Variants in CARD14 observed in about 807,000 individuals in gnomAD.
CARD14 encodes the protein caspase recruitment domain-containing protein 14.
A neutral mutation model predicts 111.5 loss-of-function variants in CARD14; 107 were observed. That is an observed-to-expected ratio of 0.96 (90% CI 0.82 to 1.13). The LOEUF (loss-of-function observed/expected upper bound fraction) is 1.13, where lower values mean the gene tolerates loss of function less well. CARD14 is among the 50% of genes most tolerant of loss of function. CARD14 has a pLI of 0.00. For missense variants in CARD14, 1,322 were observed against 1,362.3 expected (o/e 0.97, Z 0.47); for synonymous variants, 617 against 579.6 (o/e 1.06, Z -0.93).
chr17:80,201,933 C>A lies in CARD14; in HGVS notation c.1978+63C>A. On this transcript the variant is annotated intron_variant, in intron 17 of 23. Transcript: ENST00000648509. The surrounding 1 kb of genome is among the most constrained non-coding windows in gnomAD (Gnocchi z 5.0). ...GCCAGACTCCATGACCCTTAAGTCC[C>A]TGGTGGTTCTTCTGCACGCCCAGCA... 3 of 1,534,328 alleles carry A rather than the reference C, an allele frequency of 2.0e-6. No homozygotes were observed. Among genetic ancestry groups the A allele is most frequent in the Non-Finnish European group, 2.6e-6 (3 of 1,138,270 alleles).
intron 23 of CARD14, among the ~76,000 whole-genome samples, chr17:80,207,322 G>C (rs879851069): frequency 2.0e-5 from 3 of 152,190 alleles, no homozygotes; most frequent in Non-Finnish European, 4.4e-5. Flanking sequence ...AGGCCAGGGT[G>C]GGCAGATTGC....
Position 80,206,973 on chromosome 17 carries a change from A to G in CARD14, c.2695A>G (p.Thr899Ala). 1 of 1,606,092 alleles carries G rather than the reference A, an allele frequency of 6.2e-7. No individual in the cohort carries two copies. Among genetic ancestry groups the G allele is most frequent in the Non-Finnish European group, 8.5e-7 (1 of 1,175,506 alleles). The change falls in exon 23 of 24, where the codon ACC (threonine) becomes GCC (alanine). Residue 899 changes from threonine (T) to alanine (A), a missense_variant. Physicochemically the swap from Thr to Ala is moderately conservative, Grantham distance 58 (BLOSUM62 0). Transcript: ENST00000648509. ...HAVESLMEKNTHALLDVQLDS... is the reference protein window; with the variant it reads ...HAVESLMEKNAHALLDVQLDS... ...TTCTTCTCTCCCTCCCACAAAGAACACCCATGCCCTCCTGGACGTCCAGCT... is the reference window on the plus strand; with the variant it reads ...TTCTTCTCTCCCTCCCACAAAGAACGCCCATGCCCTCCTGGACGTCCAGCT...
At chr17:80,181,026 G>T (rs1055654348) in intron 4 of CARD14, among the ~76,000 whole-genome samples, 3 of 151,368 alleles carry the variant, frequency 2.0e-5, no homozygotes, top group African/African-American at 7.3e-5. Flanking sequence ...GCCTCTCAAA[G>T]TGCTGGGATT....
In CARD14 at chr17:80,205,290, C is replaced by T. The variant is rs1023624238; in HGVS notation, c.2569+85C>T. ...TTCCTCCCTCCTTCCTCCCCTTCCT[C>T]CCTCCTCCTTCCCTCCCCCACCACG... On this transcript the variant is annotated intron_variant, in intron 21 of 23. Transcript: ENST00000648509. 42 of 1,244,018 alleles carry T rather than the reference C, an allele frequency of 3.4e-5. No individual in the cohort carries two copies. The African/African-American group carries it at 5.8e-4, about 17-fold the overall frequency. 77.1% of individuals were successfully genotyped at this position (1,244,018 alleles called of 1,614,324 possible). A position where few individuals can be genotyped will look rare whatever the true frequency, so the allele number is the denominator to read the frequency against.
At chr17:80,190,012 C>T in intron 9 of CARD14, 140 bp downstream of exon 9, 1 of 1,227,596 alleles carries the variant, frequency 8.1e-7, no homozygotes, top group Non-Finnish European at 1.1e-6. Context: ...GCCTGTTCAT[C>T]TGTCCCTTTG....
chr17:80,173,558 C>T (rs994011017), intron 2 of CARD14, among the ~76,000 whole-genome samples: 4 of 151,492 alleles, frequency 2.6e-5, no homozygotes, highest in Non-Finnish European at 5.9e-5. Context: ...ATGTACTGCT[C>T]CTTGAGGAGC....
rs1383085035 is a variant in CARD14 at position 80,189,091 on chromosome 17, C to T, written c.843+547C>T. 6.6e-6 allele frequency among the ~76,000 whole-genome samples: 1 copy of T among 152,142 alleles called. No homozygotes were observed. Among genetic ancestry groups the T allele is most frequent in the Non-Finnish European group, 1.5e-5 (1 of 68,018 alleles). ...AAGCCGCTGGAGGTGCATCACAATG[C>T]CCGACTTGGTGGGTTTACTGCAGCG... is the stretch of plus-strand genomic sequence containing the variant. On this transcript the variant is annotated intron_variant, in intron 8 of 23. Transcript: ENST00000648509. The surrounding 1 kb of genome is among the most constrained non-coding windows in gnomAD (Gnocchi z 4.7).
chr17:80,208,105 T>A, intron 23 of CARD14, 33 bp from the exon 24 acceptor site: 119 of 1,347,826 alleles, frequency 8.8e-5, no homozygotes, highest in Non-Finnish European at 1.1e-4. Flanking sequence ...TGCTCTCCCC[T>A]GAGCCCGCCC....
chr17:80,208,117 C>G (rs772367503), intron 23 of CARD14, 21 bp from the exon 24 acceptor site: 10 of 1,501,188 alleles, frequency 6.7e-6, no homozygotes, highest in Admixed American at 4.2e-5. Context: ...AGCCCGCCCC[C>G]CCCAACTCTG....
chr17:80,204,448 G>A lies in CARD14; in HGVS notation c.2398+107G>A. The A allele has an allele frequency of 2.7e-6, 3 of 1,094,620 alleles. No homozygotes were observed. The Admixed American group carries it at 8.2e-5, about 30-fold the overall frequency. 67.8% of individuals were successfully genotyped at this position (1,094,620 alleles called of 1,614,324 possible). On this transcript the variant is annotated intron_variant, in intron 20 of 23. Transcript: ENST00000648509. ...GGGGCAGGGGGATGCCACTCATTTA[G>A]GCCAGGATCTGGTCTTCAAGAATCA...
intron 6 of CARD14, among the ~76,000 whole-genome samples, chr17:80,183,127 G>A (rs753093102): frequency 1.2e-4 from 18 of 152,228 alleles, no homozygotes; most frequent in Admixed American, 4.6e-4. Flanking sequence ...TTAACCTTGC[G>A]GCTTTGCTGG....
In CARD14 at chr17:80,208,522, A is replaced by T; in HGVS notation, c.*177A>T. On this transcript the variant is annotated 3_prime_UTR_variant, in exon 24 of 24. Coordinates refer to ENST00000648509, the MANE Select transcript of CARD14 (RefSeq NM_001366385.1). ...ACCACGTGCAGGTCACACACAGTGA[A>T]GCCACTTGTAACTGCACACTTTTCT... The T allele has an allele frequency of 1.8e-6, 1 of 555,036 alleles. No homozygotes were observed. The highest frequency in any genetic ancestry group is 3.1e-6 in the Non-Finnish European group (1 of 318,508). The allele number at this position is 555,036 out of a possible 1,614,324, so 34.4% of individuals were successfully genotyped here.
intron 2 of CARD14, among the ~76,000 whole-genome samples, chr17:80,175,138 C>T (rs1041483951): frequency 1.3e-5 from 2 of 151,934 alleles, no homozygotes; most frequent in Non-Finnish European, 2.9e-5. Flanking sequence ...CTACCATGCC[C>T]GGCTAATTTT....
At position 80,192,388 on chromosome 17, in the gene CARD14, G is replaced by A. The variant is rs534123245; in HGVS notation, c.1240-115G>A. 822 of 682,408 alleles carry A rather than the reference G, an allele frequency of 1.2e-3. 3 individuals are homozygous for A. In the Middle Eastern group the frequency reaches 0.014, roughly 12 times the overall value. The allele number at this position is 682,408 out of a possible 1,614,324, so 42.3% of individuals were successfully genotyped here. ...ACAATTGTTTTCCCTGGAAGCTGAC[G>A]AGAGGAAACTGCTGGGGAGGGTGAA... On this transcript the variant is annotated intron_variant, in intron 11 of 23. Transcript: ENST00000648509.
In CARD14 at chr17:80,208,294, C is replaced by T; in HGVS notation, c.2964C>T (p.Ala988=). 2 of 1,603,876 alleles carry T rather than the reference C, an allele frequency of 1.2e-6. No individual in the cohort carries two copies. Among genetic ancestry groups the T allele is most frequent in the Non-Finnish European group, 1.7e-6 (2 of 1,176,492 alleles). ...LDGLLSCVRQ[A]IADEQKKVVW... ...GCCTGCTCAGCTGTGTCCGCCAGGC[C>T]ATCGCCGACGAGCAGAAGAAGGTGG... The change falls in exon 24 of 24, where the codon GCC becomes GCT. Residue 988 remains alanine, a synonymous_variant. Transcript: ENST00000648509.
Position 80,201,993 on chromosome 17 carries a change from AG to A in CARD14, c.1978+125del, listed in dbSNP as rs1236550187. 8.0e-6 allele frequency: 11 copies of A among 1,375,642 alleles called. No individual in the cohort carries two copies. Among genetic ancestry groups the A allele is most frequent in the Non-Finnish European group, 1.1e-5 (11 of 1,013,004 alleles). 85.2% of individuals were successfully genotyped at this position (1,375,642 alleles called of 1,614,324 possible). A position where few individuals can be genotyped will look rare whatever the true frequency, so the allele number is the denominator to read the frequency against. On this transcript the variant is annotated intron_variant, in intron 17 of 23. Coordinates refer to ENST00000648509, the MANE Select transcript of CARD14 (RefSeq NM_001366385.1). The surrounding 1 kb of genome is among the most constrained non-coding windows in gnomAD (Gnocchi z 5.0). ...CCCCAGAGCCAAGAGAGGATCAGCC[AG>A]GCTGTGCCCCAGGTCCCCAGGAGGC...
rs974282046 is a variant in CARD14, at chr17:80,195,040, C to T, written c.1357-151C>T. The stretch of plus-strand genomic sequence containing the variant: ...TGTCTGGCATACAGCAGGTGCTCAG[C>T]GCATGTGACCCCATGTGTGTCCTTC... On this transcript the variant is annotated intron_variant, in intron 12 of 23. Transcript: ENST00000648509. This position sits in a 1 kb window ranked among gnomAD's most constrained non-coding sequence, Gnocchi z 4.7. 18 of 929,044 alleles carry T rather than the reference C, an allele frequency of 1.9e-5. No individual in the cohort carries two copies. The East Asian group carries it at 2.6e-4, about 14-fold the overall frequency. The allele number at this position is 929,044 out of a possible 1,614,324, so 57.6% of individuals were successfully genotyped here. A position where few individuals can be genotyped will look rare whatever the true frequency, so the allele number is the denominator to read the frequency against.
chr17:80,195,082 C>G lies in CARD14; in HGVS notation c.1357-109C>G. 7.1e-7 allele frequency: 1 copy of G among 1,400,242 alleles called. No individual in the cohort carries two copies. The highest frequency in any genetic ancestry group is 9.6e-7 in the Non-Finnish European group (1 of 1,041,960). The allele number at this position is 1,400,242 out of a possible 1,614,324, so 86.7% of individuals were successfully genotyped here. A position where few individuals can be genotyped will look rare whatever the true frequency, so the allele number is the denominator to read the frequency against. On this transcript the variant is annotated intron_variant, in intron 12 of 23. Transcript: ENST00000648509. This position sits in a 1 kb window ranked among gnomAD's most constrained non-coding sequence, Gnocchi z 4.7. Reference sequence around the variant, plus strand: ...GTGTCCTTCTTTCCCCTCCTGCCTCCTCTCCAGTCAGTTCTCACTGTGGCT... The same window carrying G: ...GTGTCCTTCTTTCCCCTCCTGCCTCGTCTCCAGTCAGTTCTCACTGTGGCT...
chr17:80,171,444 A>G lies in CARD14; in HGVS notation c.-690+1388A>G, dbSNP rs1295163884. 3.3e-5 allele frequency among the ~76,000 whole-genome samples: 5 copies of G among 151,620 alleles called. 1 individual carries two copies. The highest frequency in any genetic ancestry group is 2.6e-4 in the Admixed American group (4 of 15,196). On this transcript the variant is annotated intron_variant, in intron 1 of 23. Transcript: ENST00000648509. ...AGCAATCCTCCTGCCTTGGCCTCCA[A>G]AGTGCTGGGATTACAGGCCTGAGCC...
Sources: gnomAD v4.1 joint callset for allele counts (sites outside exome capture counted in the v4.1 genomes callset) on GRCh38, gnomAD v4.1.1 for gene constraint, Gnocchi (gnomAD v3.1) non-coding constraint, MANE v1.5 for transcripts, NCBI Gene and HGNC (gene_info 2026-07-23, HGNC 2026-07-21) for gene names.